Variants in FSHR observed in about 807,000 individuals in gnomAD.
The protein encoded by FSHR is follicle-stimulating hormone receptor.
Under a neutral mutation model 52.1 loss-of-function variants are expected in FSHR, and 46 were observed. The observed-to-expected ratio is 0.88, with a 90% confidence interval of 0.70 to 1.13. The LOEUF (loss-of-function observed/expected upper bound fraction) is 1.13, where lower values mean the gene tolerates loss of function less well. FSHR is among the 50% of genes most tolerant of loss of function. The pLI is 0.00. For missense variants in FSHR, 964 were observed against 834.6 expected (o/e 1.16, Z -1.91); for synonymous variants, 399 against 309.6 (o/e 1.29, Z -3.03).
chr2:49,150,707 C>T (rs776241018), intron 1 of FSHR, among the ~76,000 whole-genome samples: 5 of 151,890 alleles, frequency 3.3e-5, no homozygotes, highest in Non-Finnish European at 5.9e-5. Context: ...AAAGGCTGCC[C>T]GTGAGTGAAC....
intron 1 of FSHR, among the ~76,000 whole-genome samples, chr2:49,108,507 C>T (rs906085267): frequency 2.6e-5 from 4 of 152,138 alleles, no homozygotes; most frequent in African/African-American, 9.7e-5. Flanking sequence ...CCAAGCTCAG[C>T]TTAGAGTTCT....
chr2:49,091,403 A>G (rs1043678261), intron 1 of FSHR, among the ~76,000 whole-genome samples: 1 of 152,114 alleles, frequency 6.6e-6, no homozygotes, highest in Admixed American at 6.5e-5. Flanking sequence ...TCCCAAGTTC[A>G]AGTGATCCTT....
chr2:49,085,872 C>A (rs1464823372), intron 1 of FSHR, among the ~76,000 whole-genome samples: 2 of 151,700 alleles, frequency 1.3e-5, no homozygotes, highest in Non-Finnish European at 2.9e-5. Flanking sequence ...GGACAAAAAA[C>A]CAAACACCGC....
intron 2 of FSHR, among the ~76,000 whole-genome samples, chr2:49,039,292 A>G (rs1558405377): frequency 6.6e-6 from 1 of 152,142 alleles, no homozygotes; most frequent in African/African-American, 2.4e-5. Context: ...CTGTGTTACC[A>G]AGCCTGTAAT....
chr2:49,054,193 T>C, intron 2 of FSHR, among the ~76,000 whole-genome samples: 1 of 152,164 alleles, frequency 6.6e-6, no homozygotes, highest in East Asian at 1.9e-4. Flanking sequence ...CCTGTGCAAC[T>C]GGGGGGATGA....
Position 49,068,221 on chromosome 2 carries a change from T to A in FSHR, c.222A>T (p.Lys74Asn), listed in dbSNP as rs1004632178. ...TCACAGCAGTGCTAGGTACATACAT[T>A]TTCTCCAGGTCCCCAAATCCTGAAA... Reference protein sequence around the residue: ...GAFSGFGDLEKIEISQNDVLE... With the variant: ...GAFSGFGDLENIEISQNDVLE... Residue 74 changes from lysine to asparagine, a missense_variant and splice_region_variant, in exon 2 of 10, where the codon AAA becomes AAT. Physicochemically the swap from Lys to Asn is moderately conservative, Grantham distance 94 (BLOSUM62 0). Coordinates refer to ENST00000406846, the MANE Select transcript of FSHR (RefSeq NM_000145.4). 7 of 1,610,126 alleles carry A rather than the reference T, an allele frequency of 4.3e-6. No individual in the cohort carries two copies. Among genetic ancestry groups the A allele is most frequent in the Non-Finnish European group, 5.1e-6 (6 of 1,178,094 alleles).
At chr2:48,968,612 T>A in intron 9 of FSHR, 86 bp downstream of exon 9, 1 of 1,491,176 alleles carries the variant, frequency 6.7e-7, no homozygotes, top group East Asian at 2.3e-5. Context: ...GCAAGTAGAT[T>A]CTCTTCATGT....
At chr2:49,107,583 G>A (rs574753523) in intron 1 of FSHR, among the ~76,000 whole-genome samples, 1 of 152,244 alleles carries the variant, frequency 6.6e-6, no homozygotes, top group East Asian at 1.9e-4. Context: ...GTTATAGAAT[G>A]AAAACTGATT....
intron 2 of FSHR, among the ~76,000 whole-genome samples, chr2:49,044,571 T>G (rs1055502276): frequency 6.6e-6 from 1 of 152,194 alleles, no homozygotes; most frequent in Non-Finnish European, 1.5e-5. Context: ...CTAGGTTTCC[T>G]GTGGGCTCCA....
At chr2:48,978,986 G>A (rs948666669) in intron 8 of FSHR, among the ~76,000 whole-genome samples, 1 of 152,174 alleles carries the variant, frequency 6.6e-6, no homozygotes, top group Non-Finnish European at 1.5e-5. Context: ...CATTTGGCTT[G>A]TGGAGGAGAT....
At chr2:49,021,886 T>TATATATAGAG (rs1273265515) in intron 2 of FSHR, among the ~76,000 whole-genome samples, 23 of 25,110 alleles carry the variant, frequency 9.2e-4, no homozygotes, top group Admixed American at 2.2e-3. Context: ...TATATATATA[T>TATATATAGAG]AGAGAGAGAG....
Position 48,977,123 on chromosome 2 carries a change from C to CCTCT in FSHR, c.668+5785_668+5788dup, listed in dbSNP as rs10558428. On this transcript the variant is annotated intron_variant, in intron 8 of 9. Transcript: ENST00000406846. ...TAATAATAATAATAAAATCCCCTCT[C>CCTCT]CTCTCTCTCTCTCTCTCTCGTTTCT... Among the ~76,000 whole-genome samples the CCTCT allele has an allele frequency of 2.9e-3, 429 of 149,550 alleles. 3 individuals carry two copies. The highest frequency in any genetic ancestry group is 9.1e-3 in the African/African-American group (373 of 40,906).
intron 1 of FSHR, among the ~76,000 whole-genome samples, chr2:49,069,711 C>T (rs1247109703): frequency 1.3e-5 from 2 of 152,110 alleles, no homozygotes; most frequent in African/African-American, 2.4e-5. Context: ...GTTGAAGTTA[C>T]AAGTGACCCT....
At chr2:49,094,261 ATGT>A (rs1169452655) in intron 1 of FSHR, among the ~76,000 whole-genome samples, 2 of 152,148 alleles carry the variant, frequency 1.3e-5, no homozygotes, top group African/African-American at 4.8e-5. Flanking sequence ...TCCTCCCTCC[ATGT>A]TGTAATTGTC....
At chr2:49,005,493 C>T (rs532192373) in intron 4 of FSHR, among the ~76,000 whole-genome samples, 20 of 152,110 alleles carry the variant, frequency 1.3e-4, no homozygotes, top group African/African-American at 4.3e-4. Flanking sequence ...CTAATAATTT[C>T]TTCACTATAA....
intron 2 of FSHR, among the ~76,000 whole-genome samples, chr2:49,038,036 G>C (rs1668333226): frequency 6.6e-6 from 1 of 152,098 alleles, no homozygotes; most frequent in Admixed American, 6.5e-5. Flanking sequence ...ACTGGCAGCT[G>C]ACTTCACATA....
At chr2:49,105,005 T>C (rs1671173309) in intron 1 of FSHR, among the ~76,000 whole-genome samples, 1 of 152,042 alleles carries the variant, frequency 6.6e-6, no homozygotes, top group African/African-American at 2.4e-5. Context: ...CGAAAATAAC[T>C]CTTTTGAGTT....
In FSHR at chr2:48,962,560, CT is replaced by C. The variant is rs1674271938; in HGVS notation, c.*172del. On this transcript the variant is annotated 3_prime_UTR_variant, in exon 10 of 10. Coordinates refer to ENST00000406846, the MANE Select transcript of FSHR (RefSeq NM_000145.4). The stretch of plus-strand genomic sequence containing the variant: ...ATTATTGTTGTTACTAATAATTCAG[CT>C]TCCTAATGTATCACATGGAATTAAT... 7.9e-6 allele frequency: 5 copies of C among 636,638 alleles called. No homozygotes were observed. The Admixed American group carries it at 8.2e-5, about 10-fold the overall frequency. The allele number at this position is 636,638 out of a possible 1,614,324, so 39.4% of individuals were successfully genotyped here.
At chr2:49,084,406 G>C (rs1272219676) in intron 1 of FSHR, among the ~76,000 whole-genome samples, 6 of 152,100 alleles carry the variant, frequency 3.9e-5, no homozygotes, top group Non-Finnish European at 8.8e-5. Context: ...AAGATTCACA[G>C]TTGACACCCT....
Sources: gnomAD v4.1 joint callset for allele counts (sites outside exome capture counted in the v4.1 genomes callset) on GRCh38, gnomAD v4.1.1 for gene constraint, MANE v1.5 for transcripts, NCBI Gene and HGNC (gene_info 2026-07-23, HGNC 2026-07-21) for gene names.